The following HOMER3 variants were observed in gnomAD, a reference collection of about 807,000 sequenced individuals.
HOMER3 encodes the protein homer scaffold protein 3.
In HOMER3, 34 loss-of-function variants were observed where a neutral mutation model predicts 45.5. That is an observed-to-expected ratio of 0.75 (90% CI 0.57 to 1.00). HOMER3 has a LOEUF of 1.00. Among genes scored for constraint, HOMER3 ranks in the 50% least tolerant of loss-of-function variants. The probability of loss-of-function intolerance (pLI) is 0.00; values close to 1 mark genes in which losing one functional copy is unlikely to be tolerated. For missense variants in HOMER3, 480 were observed against 497.5 expected, an observed-to-expected ratio of 0.96 and a Z score of 0.33; for synonymous variants, 223 against 208.8, an observed-to-expected ratio of 1.07 and a Z score of -0.58.
In HOMER3 at chr19:18,938,709, A is replaced by G; in HGVS notation, c.171+19T>C. On this transcript the variant is annotated intron_variant, in intron 3 of 9. Coordinates refer to ENST00000392351, the MANE Select transcript of HOMER3 (RefSeq NM_004838.4). ...CCAGGACTCCTGGTGCCTCTGCCCC[A>G]CCCAGACCCCACCCTGACCTTGGCG... 1.1e-6 allele frequency: 1 copy of G among 940,950 alleles called. No individual in the cohort carries two copies. The highest frequency in any genetic ancestry group is 1.6e-6 in the Non-Finnish European group (1 of 626,816). The allele number at this position is 940,950 out of a possible 1,614,324, so 58.3% of individuals were successfully genotyped here.
chr19:18,940,316 C>T (rs1182167037), intron 1 of HOMER3: 1 of 152,266 alleles, frequency 6.6e-6, no homozygotes, highest in Non-Finnish European at 1.5e-5. Context: ...GGGAAAGTTA[C>T]TCACCAACTA....
At chr19:18,935,924 CAGG>C (rs750527419) in intron 4 of HOMER3, among the ~76,000 whole-genome samples, 2 of 150,240 alleles carry the variant, frequency 1.3e-5, no homozygotes, top group Non-Finnish European at 3.0e-5. Context: ...GAGGCTGAGG[CAGG>C]AGAATTGCTT....
chr19:18,929,764 A>C (rs2145116259), intron 9 of HOMER3, 130 bp from the exon 10 acceptor site: 1 of 645,552 alleles, frequency 1.5e-6, no homozygotes, highest in East Asian at 3.0e-5. Context: ...ACACACCAGG[A>C]ATAAAATGCA....
intron 9 of HOMER3, among the ~76,000 whole-genome samples, chr19:18,929,883 G>C (rs1202871526): frequency 6.6e-6 from 1 of 152,018 alleles, no homozygotes; most frequent in South Asian, 2.1e-4. Flanking sequence ...GCGTGATCTC[G>C]GCTCACTACA....
At chr19:18,932,185 C>T in intron 6 of HOMER3, 53 bp from the exon 7 acceptor site, 1 of 356,768 alleles carries the variant, frequency 2.8e-6, no homozygotes, top group Non-Finnish European at 4.2e-6. Flanking sequence ...GGGGCGGAGT[C>T]GGGCGATGCT....
At position 18,932,011 on chromosome 19, in the gene HOMER3, C is replaced by T; in HGVS notation, c.655G>A (p.Ala219Thr). The change falls in exon 7 of 10, where the codon GCT becomes ACT. Residue 219 changes from alanine to threonine, a missense_variant. Ala to Thr is a moderately conservative substitution (Grantham distance 58). Coordinates refer to ENST00000392351, the MANE Select transcript of HOMER3 (RefSeq NM_004838.4). ...AAAQWRQQLE[A>T]QRAEAERLRQ... ...AGCCGCTCGGCCTCTGCACGCTGAG[C>T]CTCCAGCTGCTGCCTCCACTGGGCT... 3 of 1,547,324 alleles carry T rather than the reference C, an allele frequency of 1.9e-6. No individual in the cohort carries two copies. The highest frequency in any genetic ancestry group is 2.3e-4 in the Middle Eastern group (1 of 4,362).
chr19:18,935,110 G>A (rs1354459907), intron 4 of HOMER3, among the ~76,000 whole-genome samples: 1 of 150,562 alleles, frequency 6.6e-6, no homozygotes, highest in East Asian at 1.9e-4. Context: ...CCAAAGTGGT[G>A]GGATTACAGG....
Position 18,931,610 on chromosome 19 carries a change from C to A in HOMER3, c.706G>T (p.Ala236Ser). The change falls in exon 8 of 10, where the codon GCT becomes TCT. Residue 236 changes from alanine (A) to serine (S), a missense_variant. Ala to Ser is a moderately conservative substitution (Grantham distance 99). Transcript: ENST00000392351. ...GGGGTCACCTCTGAAGCTGCCTGAG[C>A]CTCCAGCTCAGCCACCTGTAGGGCA... ...RLRQRVAELE[A>S]QAASEVTPTG... 1 of 1,609,552 alleles carries A rather than the reference C, an allele frequency of 6.2e-7. No homozygotes were observed. The highest frequency in any genetic ancestry group is 1.1e-5 in the South Asian group (1 of 90,784).
intron 9 of HOMER3, 137 bp from the exon 10 acceptor site, chr19:18,929,771 T>C: frequency 3.2e-6 from 2 of 620,974 alleles, no homozygotes; most frequent in South Asian, 4.6e-5. Context: ...AGGAATAAAA[T>C]GCACACCCCA....
rs1349392083 is a variant in HOMER3, at chr19:18,932,051, C to G, written c.615G>C (p.Glu205Asp). Residue 205 changes from glutamate to aspartate, a missense_variant, in exon 7 of 10, where the codon GAG becomes GAC. Coordinates refer to ENST00000392351, the MANE Select transcript of HOMER3 (RefSeq NM_004838.4). ...SNNKLAGALREANAAAAQWRQ... is the reference protein window; with the variant it reads ...SNNKLAGALRDANAAAAQWRQ... ...TCCACTGGGCTGCGGCGGCGTTGGCCTCTCGCAGGGCGCCTGCCAGCTTGT... is the reference window on the plus strand; with the variant it reads ...TCCACTGGGCTGCGGCGGCGTTGGCGTCTCGCAGGGCGCCTGCCAGCTTGT... The G allele has an allele frequency of 1.9e-6, 3 of 1,557,008 alleles. No individual in the cohort carries two copies. In the Admixed American group the frequency reaches 5.8e-5, roughly 30 times the overall value.
chr19:18,936,316 A>AT lies in HOMER3; in HGVS notation c.304-1907_304-1906insA, dbSNP rs1447086348. The stretch of plus-strand genomic sequence containing the variant: ...GGACAAGAGTGAAACTCTGTCTCAA[A>AT]AAAATAAATAAATAAATAAATAAAT... On this transcript the variant is annotated intron_variant, in intron 4 of 9. Coordinates refer to ENST00000392351, the MANE Select transcript of HOMER3 (RefSeq NM_004838.4). 1.4e-4 allele frequency among the ~76,000 whole-genome samples: 18 copies of AT among 132,364 alleles called. 4 individuals carry two copies. The highest frequency in any genetic ancestry group is 4.0e-4 in the East Asian group (2 of 5,004). The allele number at this position is 132,364 out of a possible 152,430, so 86.8% of individuals were successfully genotyped here. A position where few individuals can be genotyped will look rare whatever the true frequency, so the allele number is the denominator to read the frequency against.
Position 18,931,378 on chromosome 19 carries a change from G to T in HOMER3, c.841C>A (p.Pro281Thr). The change falls in exon 9 of 10, where the codon CCC becomes ACC. Residue 281 changes from proline to threonine, a missense_variant. Pro to Thr is a conservative substitution (Grantham distance 38). Transcript: ENST00000392351. ...TCGGCAGCCTCCAGGGCCTCGCGGG[G>T]CCCCCCAGTCTGACTCTTCAGGGTC... is the stretch of plus-strand genomic sequence containing the variant. ...IQTLKSQTGG[P>T]REALEAAERE... 9 of 1,614,126 alleles carry T rather than the reference G, an allele frequency of 5.6e-6. No individual in the cohort carries two copies. The highest frequency in any genetic ancestry group is 7.6e-6 in the Non-Finnish European group (9 of 1,180,016).
intron 6 of HOMER3, 39 bp downstream of exon 6, chr19:18,932,885 A>ACCCCCCCC: frequency 2.9e-6 from 2 of 687,536 alleles, no homozygotes; most frequent in East Asian, 7.3e-5. Context: ...CCCCACCCCT[A>ACCCCCCCC]CCCCCGCCCC....
chr19:18,940,672 C>G (rs1048401316), intron 1 of HOMER3: 12 of 152,156 alleles, frequency 7.9e-5, no homozygotes, highest in African/African-American at 2.4e-4. Context: ...CTAACTGGGT[C>G]CGGGACCCCG....
chr19:18,934,871 GT>G (rs578069119), intron 4 of HOMER3, among the ~76,000 whole-genome samples: 65 of 121,760 alleles, frequency 5.3e-4, no homozygotes, highest in East Asian at 1.1e-3. Flanking sequence ...CCTGTTTTTT[GT>G]TTTTTTTTTT....
chr19:18,938,462 G>A lies in HOMER3; in HGVS notation c.194C>T (p.Thr65Ile), dbSNP rs2057118278. The A allele has an allele frequency of 1.2e-6, 2 of 1,613,946 alleles. No individual in the cohort carries two copies. The highest frequency in any genetic ancestry group is 1.7e-5 in the Admixed American group (1 of 60,006). Residue 65 changes from threonine (T) to isoleucine (I), a missense_variant, in exon 4 of 10, where the codon ACT (threonine) becomes ATT (isoleucine). Physicochemically the swap from Thr to Ile is moderately conservative, Grantham distance 89. Transcript: ENST00000392351. ...GAKAIINSTV[T>I]PNMTFTKTSQ... The stretch of plus-strand genomic sequence containing the variant: ...AGTTTTGGTGAAGGTCATGTTGGGA[G>A]TGACAGTGCTGTTGATGATGGCCTA...
intron 9 of HOMER3, 131 bp downstream of exon 9, chr19:18,931,194 C>T (rs1388771327): frequency 4.0e-6 from 3 of 751,918 alleles, no homozygotes; most frequent in Admixed American, 2.3e-5. Context: ...TCACGCGGCA[C>T]CTGCTGGGCA....
chr19:18,932,873 T>TCCCCCCC, intron 6 of HOMER3, 51 bp downstream of exon 6: 74 of 877,120 alleles, frequency 8.4e-5, no homozygotes, highest in East Asian at 1.4e-4. Context: ...CGCCTCCTCG[T>TCCCCCCC]CCCCCACCCC....
Position 18,932,907 on chromosome 19 carries a change from C to CCCCA in HOMER3, c.533+16_533+17insTGGG. 1 of 1,377,512 alleles carries CCCCA rather than the reference C, an allele frequency of 7.3e-7. No homozygotes were observed. 85.3% of individuals were successfully genotyped at this position (1,377,512 alleles called of 1,614,324 possible). ...CCTACCCCCGCCCCTGCCACGCCCCCAAGTCCCGCCCCTCACCCCTCAGAC... is the reference window on the plus strand; with the variant it reads ...CCTACCCCCGCCCCTGCCACGCCCCCCCCAAAGTCCCGCCCCTCACCCCTCAGAC... On this transcript the variant is annotated intron_variant, in intron 6 of 9. Transcript: ENST00000392351.
Sources: allele counts gnomAD v4.1 joint callset (sites outside exome capture counted in the v4.1 genomes callset), GRCh38; gene constraint gnomAD v4.1.1; transcripts MANE v1.5; gene names NCBI Gene and HGNC (gene_info 2026-07-23, HGNC 2026-07-21).